MTREX: variants seen among roughly 807,000 people sequenced by gnomAD.
The protein encoded by MTREX is Mtr4 exosome RNA helicase, also known as exosome RNA helicase MTR4.
In MTREX, 76 loss-of-function variants were observed where a neutral mutation model predicts 135.4. The ratio of observed to expected loss-of-function variants is 0.56; its 90% CI spans 0.47 to 0.68. The LOEUF (loss-of-function observed/expected upper bound fraction) is 0.68, where lower values mean the gene tolerates loss of function less well. Among genes scored for constraint, MTREX ranks in the 30% least tolerant of loss-of-function variants. The probability of loss-of-function intolerance (pLI) is 0.00; values close to 1 mark genes in which losing one functional copy is unlikely to be tolerated. For synonymous variants in MTREX, 404 were observed against 401.6 expected (o/e 1.01, Z -0.07); for missense variants, 920 against 1,262.1 (o/e 0.73, Z 4.11).
intron 16 of MTREX, among the ~76,000 whole-genome samples, chr5:55,373,760 C>T (rs4865937): frequency 0.97 from 146,533 of 151,318 alleles, 71,135 homozygotes; most frequent in East Asian, 1. Flanking sequence ...AGACCTTAAC[C>T]TGTGACTAGT....
Position 55,377,077 on chromosome 5 carries a change from C to A in MTREX, c.1811-1237C>A, listed in dbSNP as rs961321344. ...GGGCTTGGTGGCTCATGTCTGTAAT[C>A]CCAGCACTTTGGGAGGCCGAGGCGG... On this transcript the variant is annotated intron_variant, in intron 16 of 26. Transcript: ENST00000230640. 6.0e-5 allele frequency among the ~76,000 whole-genome samples: 9 copies of A among 149,338 alleles called. No individual in the cohort carries two copies. In the East Asian group the frequency reaches 1.8e-3, roughly 30 times the overall value.
intron 8 of MTREX, 96 bp from the exon 9 acceptor site, chr5:55,344,426 A>G: frequency 2.6e-6 from 2 of 772,182 alleles, no homozygotes; most frequent in South Asian, 1.6e-5. Flanking sequence ...TGTTGAATTC[A>G]TTACTTGATT....
intron 26 of MTREX, chr5:55,424,023 A>G (rs2111639330): frequency 6.6e-6 from 1 of 152,272 alleles, no homozygotes; most frequent in Middle Eastern, 3.4e-3. Flanking sequence ...AGAATTTCAC[A>G]TGGGAACTGA....
At chr5:55,339,410 A>G (rs1749607016) in intron 5 of MTREX, among the ~76,000 whole-genome samples, 1 of 152,266 alleles carries the variant, frequency 6.6e-6, no homozygotes, top group Non-Finnish European at 1.5e-5. Context: ...TCTGGGCAGG[A>G]GCTGAATCTT....
At chr5:55,395,946 CATT>C (rs1750639288) in intron 19 of MTREX, among the ~76,000 whole-genome samples, 1 of 152,090 alleles carries the variant, frequency 6.6e-6, no homozygotes, top group Non-Finnish European at 1.5e-5. Context: ...GTATAAAAGA[CATT>C]ATTGTGAAAG....
chr5:55,326,020 A>G (rs113397274), intron 3 of MTREX, among the ~76,000 whole-genome samples: 35 of 152,336 alleles, frequency 2.3e-4, no homozygotes, highest in African/African-American at 7.7e-4. Context: ...GGTAGTACAT[A>G]GTGTCTGACA....
intron 16 of MTREX, among the ~76,000 whole-genome samples, chr5:55,375,605 A>G (rs1266484073): frequency 6.6e-6 from 1 of 152,122 alleles, no homozygotes; most frequent in Non-Finnish European, 1.5e-5. Context: ...ATGTTGTACA[A>G]TTTGTGCAGT....
intron 16 of MTREX, 118 bp from the exon 17 acceptor site, chr5:55,378,196 A>C (rs1205122987): frequency 9.4e-6 from 11 of 1,166,780 alleles, no homozygotes; most frequent in Non-Finnish European, 1.3e-5. Flanking sequence ...GGAAGGTGGA[A>C]GGTAAACAAA....
intron 12 of MTREX, 118 bp downstream of exon 12, chr5:55,349,770 G>A: frequency 1.6e-6 from 1 of 609,058 alleles, no homozygotes; most frequent in Non-Finnish European, 3.0e-6. Flanking sequence ...CATATGGGTT[G>A]TGATATGCCC....
intron 3 of MTREX, among the ~76,000 whole-genome samples, chr5:55,326,246 A>C (rs1443416189): frequency 6.6e-6 from 1 of 152,048 alleles, no homozygotes; most frequent in African/African-American, 2.4e-5. Context: ...AAAATACAAA[A>C]AAAATTAACC....
intron 16 of MTREX, among the ~76,000 whole-genome samples, chr5:55,372,501 G>A (rs997763748): frequency 2.0e-5 from 3 of 151,928 alleles, no homozygotes; most frequent in Non-Finnish European, 4.4e-5. Context: ...CAGTCCCTAG[G>A]AAAGCTTTGT....
chr5:55,339,973 G>T (rs1479504032), intron 5 of MTREX, 37 bp from the exon 6 acceptor site: 2 of 1,403,776 alleles, frequency 1.4e-6, no homozygotes, highest in Non-Finnish European at 9.4e-7. Context: ...ATAATTTAAA[G>T]GAAAAGTTGT....
chr5:55,357,433 C>T (rs1185494776), intron 14 of MTREX: 5 of 155,046 alleles, frequency 3.2e-5, no homozygotes, highest in African/African-American at 4.8e-5. Context: ...ACATACCACT[C>T]TGAGTGCCAC....
chr5:55,359,132 T>G (rs757771612), intron 15 of MTREX, among the ~76,000 whole-genome samples: 2 of 152,226 alleles, frequency 1.3e-5, no homozygotes, highest in Non-Finnish European at 2.9e-5. Flanking sequence ...AATCTGCGTT[T>G]ACACTTTACC....
chr5:55,336,254 G>A (rs945292859), intron 5 of MTREX, among the ~76,000 whole-genome samples: 4 of 152,054 alleles, frequency 2.6e-5, no homozygotes, highest in African/African-American at 7.2e-5. Context: ...CTAGTACAAC[G>A]TTGGATAGTA....
At chr5:55,351,821 T>G (rs1749832808) in intron 13 of MTREX, among the ~76,000 whole-genome samples, 1 of 151,696 alleles carries the variant, frequency 6.6e-6, no homozygotes, top group African/African-American at 2.4e-5. Flanking sequence ...AATGTAATCA[T>G]AAGTCTATAT....
chr5:55,372,851 A>G (rs1750225537), intron 16 of MTREX, among the ~76,000 whole-genome samples: 1 of 151,752 alleles, frequency 6.6e-6, no homozygotes, highest in African/African-American at 2.4e-5. Context: ...GAACAACAGA[A>G]GAAAAAAAGA....
Position 55,424,754 on chromosome 5 carries a change from T to C in MTREX, c.3111T>C (p.Ala1037=), listed in dbSNP as rs1273142244. The change falls in exon 27 of 27, where the codon GCT becomes GCC. Residue 1037 remains alanine, a synonymous_variant. Transcript: ENST00000230640. The part of the protein sequence containing the change: ...ITKIKRDIVF[A]ASLYL The stretch of plus-strand genomic sequence containing the variant: ...AAATCAAGAGAGATATTGTGTTTGC[T>C]GCCAGCCTCTACTTGTAGAGTCAGC... The C allele has an allele frequency of 6.2e-7, 1 of 1,612,162 alleles. No individual in the cohort carries two copies. Among genetic ancestry groups the C allele is most frequent in the Non-Finnish European group, 8.5e-7 (1 of 1,178,194 alleles).
intron 5 of MTREX, among the ~76,000 whole-genome samples, chr5:55,335,707 C>T (rs1245822735): frequency 6.6e-6 from 1 of 151,982 alleles, no homozygotes; most frequent in Non-Finnish European, 1.5e-5. Flanking sequence ...AATCTTCTAA[C>T]TTCATTATTT....
Sources: gnomAD v4.1 joint callset for allele counts (sites outside exome capture counted in the v4.1 genomes callset) on GRCh38, gnomAD v4.1.1 for gene constraint, MANE v1.5 for transcripts, NCBI Gene and HGNC (gene_info 2026-07-23, HGNC 2026-07-21) for gene names.